RPP14: variants seen among roughly 807,000 people sequenced by gnomAD.
The protein encoded by RPP14 is ribonuclease P protein subunit p14.
A neutral mutation model predicts 17.8 loss-of-function variants in RPP14; 19 were observed. The observed-to-expected ratio is 1.07, with a 90% confidence interval of 0.74 to 1.57. The LOEUF (loss-of-function observed/expected upper bound fraction) is 1.57. Among genes scored for constraint, RPP14 ranks in the 40% most tolerant of loss-of-function variants. The pLI, the probability that RPP14 is intolerant of heterozygous loss-of-function variation, is 0.00. For synonymous variants in RPP14, 60 were observed against 56.4 expected (o/e 1.06, Z -0.29); for missense variants, 125 against 140.8 (o/e 0.89, Z 0.57).
chr3:58,310,213 A>G (rs551648183), intron 1 of RPP14, 96 bp from the exon 2 acceptor site: 7 of 909,470 alleles, frequency 7.7e-6, no homozygotes, highest in African/African-American at 5.4e-5. Flanking sequence ...CCTTAAAACA[A>G]ACAAACAAAA....
chr3:58,317,073 G>A, intron 5 of RPP14, 80 bp downstream of exon 5: 4 of 1,011,482 alleles, frequency 4.0e-6, no homozygotes, highest in African/African-American at 1.6e-5. Flanking sequence ...ACTCATTTTT[G>A]TGCTTGCATA....
rs1473291907 is a variant in RPP14, at chr3:58,318,854, C to T, written c.*1358C>T. The T allele has an allele frequency of 6.6e-6, 1 of 151,960 alleles. No individual in the cohort carries two copies. Among genetic ancestry groups the T allele is most frequent in the South Asian group, 2.1e-4 (1 of 4,816 alleles). The allele number at this position is 151,960 out of a possible 1,614,324, so 9.4% of individuals were successfully genotyped here. On this transcript the variant is annotated 3_prime_UTR_variant, in exon 6 of 6. Coordinates refer to ENST00000295959, the MANE Select transcript of RPP14 (RefSeq NM_007042.6). The stretch of plus-strand genomic sequence containing the variant: ...TCTCTACTAAAAATACAAAAACTAA[C>T]CGGGCATGGTGGCGGGCACCTGTAA...
Position 58,318,954 on chromosome 3 carries a change from C to T in RPP14, c.*1458C>T, listed in dbSNP as rs2097491475. 6.6e-6 allele frequency: 1 copy of T among 151,494 alleles called. No individual in the cohort carries two copies. The highest frequency in any genetic ancestry group is 1.5e-5 in the Non-Finnish European group (1 of 67,976). The allele number at this position is 151,494 out of a possible 1,614,324, so 9.4% of individuals were successfully genotyped here. On this transcript the variant is annotated 3_prime_UTR_variant, in exon 6 of 6. Transcript: ENST00000295959. ...GTTGCAGTGAGCTGAAATCACACCA[C>T]TGCACTTCAGCCTGGGTGACAGAGC...
Position 58,310,407 on chromosome 3 carries a change from G to GT in RPP14, c.77+2dup, listed in dbSNP as rs1559792951. ...AGTACCACTACATGAAAGTCTGCCT[G>GT]TAAGTTTAGTTTCCTAAGTTCTATT... On this transcript the variant is annotated splice_donor_variant, in intron 2 of 5. Coordinates refer to ENST00000295959, the MANE Select transcript of RPP14 (RefSeq NM_007042.6). LOFTEE classifies it high-confidence loss of function. 1 of 1,613,530 alleles carries GT rather than the reference G, an allele frequency of 6.2e-7. No individual in the cohort carries two copies. The highest frequency in any genetic ancestry group is 2.2e-5 in the East Asian group (1 of 44,870).
At position 58,319,991 on chromosome 3, in the gene RPP14, C is replaced by G. The variant is rs2097492820; in HGVS notation, c.*2495C>G. ...TTAGCAGTCAATCCATTTCTCTCCTCCAGTCTTTGGGAATCACCAGTCTAC... is the reference window on the plus strand; with the variant it reads ...TTAGCAGTCAATCCATTTCTCTCCTGCAGTCTTTGGGAATCACCAGTCTAC... On this transcript the variant is annotated 3_prime_UTR_variant, in exon 6 of 6. Transcript: ENST00000295959. 6.6e-6 allele frequency: 1 copy of G among 152,194 alleles called. No homozygotes were observed. Among genetic ancestry groups the G allele is most frequent in the Non-Finnish European group, 1.5e-5 (1 of 68,036 alleles). The allele number at this position is 152,194 out of a possible 1,614,324, so 9.4% of individuals were successfully genotyped here. A position where few individuals can be genotyped will look rare whatever the true frequency, so the allele number is the denominator to read the frequency against.
Position 58,314,685 on chromosome 3 carries a change from T to TC in RPP14, c.163-1830_163-1829insC, listed in dbSNP as rs1384295724. Reference sequence around the variant, plus strand: ...ACATAGTTTGGCAGTATTTTTTTTTTTTTTTTTTTTTTTTTGTTGAGATGG... The same window carrying TC: ...ACATAGTTTGGCAGTATTTTTTTTTTCTTTTTTTTTTTTTTTGTTGAGATGG... On this transcript the variant is annotated intron_variant, in intron 3 of 5. Transcript: ENST00000295959. 2.2e-5 allele frequency among the ~76,000 whole-genome samples: 3 copies of TC among 138,902 alleles called. No homozygotes were observed. In the Admixed American group the frequency reaches 2.2e-4, roughly 10 times the overall value. 91.1% of individuals were successfully genotyped at this position (138,902 alleles called of 152,430 possible).
intron 3 of RPP14, among the ~76,000 whole-genome samples, chr3:58,314,636 G>C (rs1250077245): frequency 7.0e-6 from 1 of 142,862 alleles, no homozygotes; most frequent in Non-Finnish European, 1.5e-5. Context: ...CAGTGAGTAT[G>C]TAAAATGGTG....
At chr3:58,314,064 T>C (rs999631156) in intron 3 of RPP14, among the ~76,000 whole-genome samples, 4 of 152,102 alleles carry the variant, frequency 2.6e-5, no homozygotes, top group South Asian at 4.1e-4. Flanking sequence ...TCAAAAATAA[T>C]AACACATGGG....
At position 58,309,488 on chromosome 3, in the gene RPP14, AAG is replaced by A. The variant is rs1438857694; in HGVS notation, c.-21-818_-21-817del. Among the ~76,000 whole-genome samples the A allele has an allele frequency of 2.0e-5, 3 of 152,368 alleles. No individual in the cohort carries two copies. The East Asian group carries it at 5.8e-4, about 29-fold the overall frequency. ...AAAATTATGTTGTTATGTTTTAAGT[AAG>A]AGTACAGTGATTTGACATTTATAGA... On this transcript the variant is annotated intron_variant, in intron 1 of 5. Transcript: ENST00000295959.
rs368694454 is a variant in RPP14 at position 58,308,943 on chromosome 3, A to G, written c.-21-1366A>G. 2.9e-4 allele frequency among the ~76,000 whole-genome samples: 44 copies of G among 152,336 alleles called. No individual in the cohort carries two copies. In the South Asian group the frequency reaches 3.7e-3, roughly 13 times the overall value. On this transcript the variant is annotated intron_variant, in intron 1 of 5. Transcript: ENST00000295959. ...GGTTGGCATGGAGCCAAGGAAAGGA[A>G]CTGTCTACAGAGAGATGAGCATGTT...
At chr3:58,309,677 G>A (rs928994361) in intron 1 of RPP14, among the ~76,000 whole-genome samples, 12 of 152,102 alleles carry the variant, frequency 7.9e-5, no homozygotes, top group African/African-American at 2.9e-4. Context: ...GTATCACGAG[G>A]TCAGGAGTTC....
intron 3 of RPP14, among the ~76,000 whole-genome samples, chr3:58,314,389 G>A (rs13080508): frequency 0.13 from 20,180 of 152,034 alleles, 1,992 homozygotes; most frequent in African/African-American, 0.27. Flanking sequence ...AGAAGTATCA[G>A]AACTCAACCA....
intron 5 of RPP14, 86 bp downstream of exon 5, chr3:58,317,079 G>C (rs1237125285): frequency 3.1e-6 from 3 of 961,644 alleles, no homozygotes; most frequent in Non-Finnish European, 4.9e-6. Flanking sequence ...TTTTGTGCTT[G>C]CATAAATGTA....
rs1166718353 is a variant in RPP14 at position 58,318,073 on chromosome 3, A to G, written c.*577A>G. ...TGTAATAGAAAGTAAAAAGACTGTT[A>G]TGGAAGGCTGGGTTAAAGTTATGGT... On this transcript the variant is annotated 3_prime_UTR_variant, in exon 6 of 6. Transcript: ENST00000295959. 1.9e-5 allele frequency: 13 copies of G among 680,202 alleles called. No individual in the cohort carries two copies. The Admixed American group carries it at 3.0e-4, about 16-fold the overall frequency. 42.1% of individuals were successfully genotyped at this position (680,202 alleles called of 1,614,324 possible).
rs1427442117 is a variant in RPP14 at position 58,319,036 on chromosome 3, T to TA, written c.*1541dup. On this transcript the variant is annotated 3_prime_UTR_variant, in exon 6 of 6. Transcript: ENST00000295959. Reference sequence around the variant, plus strand: ...CTACTTTTAGAAATTCAGACCTAGATAGATTTGCATTTGGATAACAAATCC... The same window carrying TA: ...CTACTTTTAGAAATTCAGACCTAGATAAGATTTGCATTTGGATAACAAATCC... The TA allele has an allele frequency of 6.6e-6, 1 of 152,038 alleles. No homozygotes were observed. The highest frequency in any genetic ancestry group is 1.5e-5 in the Non-Finnish European group (1 of 68,000). 9.4% of individuals were successfully genotyped at this position (152,038 alleles called of 1,614,324 possible).
At chr3:58,314,776 C>T (rs988938288) in intron 3 of RPP14, among the ~76,000 whole-genome samples, 1 of 151,072 alleles carries the variant, frequency 6.6e-6, no homozygotes, top group Non-Finnish European at 1.5e-5. Flanking sequence ...CCTCCGCCTC[C>T]CAGGTTCAGG....
At chr3:58,310,212 A>C (rs1386300853) in intron 1 of RPP14, 97 bp from the exon 2 acceptor site, 1 of 891,204 alleles carries the variant, frequency 1.1e-6, no homozygotes, top group Middle Eastern at 2.3e-4. Flanking sequence ...GCCTTAAAAC[A>C]AACAAACAAA....
At position 58,319,017 on chromosome 3, in the gene RPP14, T is replaced by C. The variant is rs959490285; in HGVS notation, c.*1521T>C. ...CAAAAAAAAAAAAAAGATTCTACTT[T>C]TAGAAATTCAGACCTAGATAGATTT... On this transcript the variant is annotated 3_prime_UTR_variant, in exon 6 of 6. Transcript: ENST00000295959. 5 of 152,112 alleles carry C rather than the reference T, an allele frequency of 3.3e-5. No homozygotes were observed. The highest frequency in any genetic ancestry group is 1.9e-4 in the East Asian group (1 of 5,204). The allele number at this position is 152,112 out of a possible 1,614,324, so 9.4% of individuals were successfully genotyped here.
rs1337553148 is a variant in RPP14, at chr3:58,317,665, A to G, written c.*169A>G. 1.4e-6 allele frequency: 1 copy of G among 708,172 alleles called. No homozygotes were observed. The highest frequency in any genetic ancestry group is 2.6e-6 in the Non-Finnish European group (1 of 388,614). The allele number at this position is 708,172 out of a possible 1,614,324, so 43.9% of individuals were successfully genotyped here. A position where few individuals can be genotyped will look rare whatever the true frequency, so the allele number is the denominator to read the frequency against. On this transcript the variant is annotated 3_prime_UTR_variant, in exon 6 of 6. Coordinates refer to ENST00000295959, the MANE Select transcript of RPP14 (RefSeq NM_007042.6). The stretch of plus-strand genomic sequence containing the variant: ...CCTTTGGTGGGGTGGGCTTCGGAGG[A>G]CAGTCTGTCTGAACCTGCCAGTGCT...
Sources: gnomAD v4.1 joint callset for allele counts (sites outside exome capture counted in the v4.1 genomes callset) on GRCh38, gnomAD v4.1.1 for gene constraint, MANE v1.5 for transcripts, NCBI Gene and HGNC (gene_info 2026-07-23, HGNC 2026-07-21) for gene names.